PCSK5: variants seen among roughly 807,000 people sequenced by gnomAD.
PCSK5 encodes proprotein convertase subtilisin/kexin type 5.
Under a neutral mutation model 233.2 loss-of-function variants are expected in PCSK5, and 129 were observed. That is an observed-to-expected ratio of 0.55 (90% CI 0.48 to 0.64). The LOEUF (loss-of-function observed/expected upper bound fraction) is 0.64, where lower values mean the gene tolerates loss of function less well. PCSK5 is among the 30% of genes least tolerant of loss of function. The probability of loss-of-function intolerance (pLI) is 0.00; values close to 1 mark genes in which losing one functional copy is unlikely to be tolerated. For synonymous variants in PCSK5, 825 were observed against 879.2 expected (o/e 0.94, Z 1.09); for missense variants, 2,076 against 2,430.1 (o/e 0.85, Z 3.06).
At chr9:76,220,894 T>G (rs1358084012) in intron 20 of PCSK5, among the ~76,000 whole-genome samples, 1 of 152,168 alleles carries the variant, frequency 6.6e-6, no homozygotes, top group Non-Finnish European at 1.5e-5. Context: ...TGTTGTATCC[T>G]TTGACCAAAA....
At chr9:76,145,409 G>A (rs775599396) in intron 10 of PCSK5, among the ~76,000 whole-genome samples, 24 of 152,170 alleles carry the variant, frequency 1.6e-4, no homozygotes, top group Middle Eastern at 3.4e-3. Context: ...CCAGAGCAGC[G>A]GTGAAAAGGC....
intron 7 of PCSK5, among the ~76,000 whole-genome samples, chr9:76,093,282 A>G (rs1311117039): frequency 3.3e-5 from 5 of 151,706 alleles, no homozygotes; most frequent in Non-Finnish European, 7.4e-5. Context: ...TTTTGTAAAT[A>G]TGTGGTCTCA....
chr9:76,087,401 T>C (rs1221441051), intron 7 of PCSK5, among the ~76,000 whole-genome samples: 1 of 152,262 alleles, frequency 6.6e-6, no homozygotes, highest in Non-Finnish European at 1.5e-5. Context: ...CACTGATTCA[T>C]TGTCCTTGAC....
At chr9:75,946,245 C>T (rs1824561681) in intron 2 of PCSK5, among the ~76,000 whole-genome samples, 1 of 152,174 alleles carries the variant, frequency 6.6e-6, no homozygotes, top group African/African-American at 2.4e-5. Flanking sequence ...ACGGTACTGT[C>T]TCATTTTAAG....
At position 76,185,799 on chromosome 9, in the gene PCSK5, G is replaced by A. The variant is rs537136818; in HGVS notation, c.2282+1042G>A. 3.9e-5 allele frequency among the ~76,000 whole-genome samples: 6 copies of A among 152,168 alleles called. No individual in the cohort carries two copies. In the East Asian group the frequency reaches 5.8e-4, roughly 15 times the overall value. ...TTGGGGCAAGTCACTTAACTACTCC[G>A]AGCCTTCATTTTCTCCTCTATAAAA... On this transcript the variant is annotated intron_variant, in intron 17 of 37. Coordinates refer to ENST00000674117, the MANE Select transcript of PCSK5 (RefSeq NM_001372043.1).
intron 24 of PCSK5, among the ~76,000 whole-genome samples, chr9:76,247,752 G>A (rs1029228519): frequency 6.6e-6 from 1 of 152,054 alleles, no homozygotes; most frequent in Non-Finnish European, 1.5e-5. Context: ...TAAAGGAGAT[G>A]GGCAGGACTT....
chr9:76,157,309 C>A (rs1423673276), intron 11 of PCSK5, 147 bp downstream of exon 11: 1 of 623,904 alleles, frequency 1.6e-6, no homozygotes, highest in African/African-American at 1.8e-5. Context: ...AATAGAACGG[C>A]TAGGATTCTG....
At chr9:75,946,708 C>T (rs1824588067) in intron 2 of PCSK5, among the ~76,000 whole-genome samples, 1 of 152,138 alleles carries the variant, frequency 6.6e-6, no homozygotes. Flanking sequence ...CCTGCCTCAG[C>T]GTCCCAAGTA....
intron 9 of PCSK5, among the ~76,000 whole-genome samples, chr9:76,132,409 GT>G (rs1822796626): frequency 6.6e-6 from 1 of 152,022 alleles, no homozygotes; most frequent in Non-Finnish European, 1.5e-5. Flanking sequence ...TATTTTTAAA[GT>G]TTATGTAGTT....
At chr9:76,056,432 A>G (rs1247222913) in intron 5 of PCSK5, among the ~76,000 whole-genome samples, 3 of 152,188 alleles carry the variant, frequency 2.0e-5, no homozygotes, top group Non-Finnish European at 2.9e-5. Context: ...TGAAGGCAAC[A>G]TCTCCCCACT....
chr9:76,006,499 A>G (rs1234275425), intron 3 of PCSK5, among the ~76,000 whole-genome samples: 1 of 152,056 alleles, frequency 6.6e-6, no homozygotes, highest in African/African-American at 2.4e-5. Context: ...TTGGTTTGTC[A>G]GCTTTAAATC....
intron 30 of PCSK5, among the ~76,000 whole-genome samples, chr9:76,311,831 G>A (rs561278181): frequency 4.5e-4 from 69 of 152,184 alleles, no homozygotes; most frequent in Non-Finnish European, 6.6e-4. Flanking sequence ...GACTGGCACC[G>A]CTGCTGAGCC....
At chr9:76,103,873 G>A (rs145015035) in intron 8 of PCSK5, among the ~76,000 whole-genome samples, 13 of 152,218 alleles carry the variant, frequency 8.5e-5, no homozygotes, top group South Asian at 2.1e-4. Flanking sequence ...GGGGGGATTT[G>A]GAGCATGCAA....
chr9:76,155,374 C>G (rs1164242015), intron 10 of PCSK5, among the ~76,000 whole-genome samples: 2 of 152,178 alleles, frequency 1.3e-5, no homozygotes, highest in Non-Finnish European at 2.9e-5. Flanking sequence ...CAACCTAGCA[C>G]AGTGTTCGTT....
chr9:76,108,597 A>T (rs1453232764), intron 9 of PCSK5, among the ~76,000 whole-genome samples: 2 of 152,172 alleles, frequency 1.3e-5, no homozygotes, highest in African/African-American at 4.8e-5. Flanking sequence ...TTCTAAAAAT[A>T]CAAAAATTAG....
chr9:75,940,541 A>G lies in PCSK5; in HGVS notation c.297+8058A>G, dbSNP rs576335378. Among the ~76,000 whole-genome samples, 10 of 152,372 alleles carry G rather than the reference A, an allele frequency of 6.6e-5. No individual in the cohort carries two copies. The East Asian group carries it at 1.7e-3, about 26-fold the overall frequency. ...AGGATCAGATGAACTCAGACCTGTG[A>G]AAGAAGAAAAGCAAGTTCAAGTTTC... On this transcript the variant is annotated intron_variant, in intron 2 of 37. Coordinates refer to ENST00000674117, the MANE Select transcript of PCSK5 (RefSeq NM_001372043.1).
At chr9:76,129,182 G>A (rs149384919) in intron 9 of PCSK5, among the ~76,000 whole-genome samples, 1,781 of 152,160 alleles carry the variant, frequency 0.012, 18 homozygotes, top group Non-Finnish European at 0.019. Context: ...CGTAACTGCC[G>A]ATTTCTTTTA....
intron 20 of PCSK5, among the ~76,000 whole-genome samples, chr9:76,214,075 C>T (rs1825429417): frequency 6.6e-6 from 1 of 152,092 alleles, no homozygotes; most frequent in South Asian, 2.1e-4. Context: ...TAATCAGAAC[C>T]AGCTGCTCTG....
At chr9:75,939,626 A>C (rs1824211042) in intron 2 of PCSK5, among the ~76,000 whole-genome samples, 1 of 152,218 alleles carries the variant, frequency 6.6e-6, no homozygotes, top group Non-Finnish European at 1.5e-5. Context: ...CAGAAAAACT[A>C]AAATCCTAAC....
Sources: allele counts gnomAD v4.1 joint callset (sites outside exome capture counted in the v4.1 genomes callset), GRCh38; gene constraint gnomAD v4.1.1; transcripts MANE v1.5; gene names NCBI Gene and HGNC (gene_info 2026-07-23, HGNC 2026-07-21).